The following UGT1A9 variants were observed in gnomAD, a reference collection of about 807,000 sequenced individuals.
UGT1A9 encodes UDP glucuronosyltransferase family 1 member A9, also known as UDP-glucuronosyltransferase 1A9.
Under a neutral mutation model 45.0 loss-of-function variants are expected in UGT1A9, and 35 were observed. That is an observed-to-expected ratio of 0.78 (90% CI 0.59 to 1.03). The LOEUF is 1.03. Among genes scored for constraint, UGT1A9 ranks in the 50% least tolerant of loss-of-function variants. UGT1A9 has a pLI of 0.00. For missense variants in UGT1A9, 687 were observed against 666.6 expected, an observed-to-expected ratio of 1.03 and a Z score of -0.34; for synonymous variants, 278 against 250.6, an observed-to-expected ratio of 1.11 and a Z score of -1.03.
chr2:233,736,493 C>T (rs1043320010), intron 1 of UGT1A9, among the ~76,000 whole-genome samples: 3 of 152,222 alleles, frequency 2.0e-5, no homozygotes, highest in Non-Finnish European at 2.9e-5. Flanking sequence ...TACTACCAAA[C>T]TTCTGAAGCC....
At chr2:233,693,070 C>A (rs1288884840) in intron 1 of UGT1A9, 3 of 1,614,008 alleles carry the variant, frequency 1.9e-6, no homozygotes, top group Non-Finnish European at 2.5e-6. Context: ...CACTTTGGGG[C>A]ATGGTTGTAG....
intron 1 of UGT1A9, among the ~76,000 whole-genome samples, chr2:233,688,811 G>A (rs1196099395): frequency 6.6e-6 from 1 of 152,140 alleles, no homozygotes; most frequent in Non-Finnish European, 1.5e-5. Flanking sequence ...GCTACAAACT[G>A]TGAAACATAC....
chr2:233,764,438 T>C (rs1160972363), intron 1 of UGT1A9, among the ~76,000 whole-genome samples: 2 of 152,224 alleles, frequency 1.3e-5, no homozygotes, highest in Non-Finnish European at 2.9e-5. Context: ...GATGAACTTT[T>C]GTGCCATTTA....
chr2:233,695,287 A>G (rs775200577), intron 1 of UGT1A9, among the ~76,000 whole-genome samples: 12 of 151,764 alleles, frequency 7.9e-5, no homozygotes, highest in Non-Finnish European at 8.8e-5. Flanking sequence ...CACCATTCCC[A>G]GCTAATTTTT....
chr2:233,743,081 G>C, intron 1 of UGT1A9: 1 of 347,046 alleles, frequency 2.9e-6, no homozygotes, highest in Non-Finnish European at 5.6e-6. Context: ...GGCATGAAGT[G>C]TTTATAAATT....
chr2:233,721,794 C>T, intron 1 of UGT1A9: 1 of 512,964 alleles, frequency 1.9e-6, no homozygotes, highest in Non-Finnish European at 3.9e-6. Flanking sequence ...CATTTTAAAG[C>T]ACATGCAGCA....
intron 1 of UGT1A9, among the ~76,000 whole-genome samples, chr2:233,734,449 A>ATTTTGTTGATC (rs2078526533): frequency 6.6e-6 from 1 of 150,978 alleles, no homozygotes; most frequent in Admixed American, 6.6e-5. Context: ...AGGTCTATCA[A>ATTTTGTTGATC]TTTTCAAAAT....
chr2:233,772,622 C>A lies in UGT1A9; in HGVS notation c.*63C>A, dbSNP rs894885863. 5 of 1,567,432 alleles carry A rather than the reference C, an allele frequency of 3.2e-6. No homozygotes were observed. The highest frequency in any genetic ancestry group is 3.5e-6 in the Non-Finnish European group (4 of 1,155,382). ...CCCTAGTCATTTCCAAACTTGAAAA[C>A]AGAATCAGTGTTAAATTCATTTTAT... On this transcript the variant is annotated 3_prime_UTR_variant, in exon 5 of 5. Transcript: ENST00000354728.
chr2:233,749,470 C>T (rs7604115), intron 1 of UGT1A9, among the ~76,000 whole-genome samples: 55,875 of 151,612 alleles, frequency 0.37, 10,826 homozygotes, highest in African/African-American at 0.42. Context: ...GGAACTGTGG[C>T]ACAGATCACT....
intron 1 of UGT1A9, chr2:233,760,742 C>A (rs760143782): frequency 6.2e-7 from 1 of 1,614,166 alleles, no homozygotes; most frequent in Non-Finnish European, 8.5e-7. Flanking sequence ...CTGACGGACC[C>A]TTTCCTTCCT....
chr2:233,741,884 A>C (rs1310090539), intron 1 of UGT1A9: 1 of 151,868 alleles, frequency 6.6e-6, no homozygotes, highest in South Asian at 2.1e-4. Flanking sequence ...AGGTGACCCT[A>C]GAAGAAGGGA....
intron 1 of UGT1A9, chr2:233,719,355 G>GAT (rs1195086069): frequency 6.2e-7 from 1 of 1,613,794 alleles, no homozygotes; most frequent in Non-Finnish European, 8.5e-7. Context: ...CATTCCATGT[G>GAT]ACTTAGACTT....
intron 1 of UGT1A9, chr2:233,743,986 G>A (rs1692630126): frequency 1.6e-6 from 2 of 1,282,376 alleles, no homozygotes; most frequent in South Asian, 2.6e-5. Context: ...CCCAGGCGCA[G>A]GCCCGAGTGC....
At chr2:233,712,932 A>G in intron 1 of UGT1A9, 1 of 1,612,230 alleles carries the variant, frequency 6.2e-7, no homozygotes, top group Non-Finnish European at 8.5e-7. Flanking sequence ...AAGACGAAGG[A>G]AACAATTCTA....
chr2:233,751,085 CAGG>C (rs1331758725), intron 1 of UGT1A9, among the ~76,000 whole-genome samples: 1 of 151,924 alleles, frequency 6.6e-6, no homozygotes, highest in Non-Finnish European at 1.5e-5. Context: ...TGAAGGCAGC[CAGG>C]AGGAGGGCTT....
chr2:233,704,968 T>A (rs2075815720), intron 1 of UGT1A9, among the ~76,000 whole-genome samples: 1 of 152,042 alleles, frequency 6.6e-6, no homozygotes, highest in South Asian at 2.1e-4. Flanking sequence ...AAACCCCATC[T>A]CTACTTAAAA....
At chr2:233,690,331 G>A (rs1198972052) in intron 1 of UGT1A9, among the ~76,000 whole-genome samples, 3 of 152,164 alleles carry the variant, frequency 2.0e-5, no homozygotes, top group Non-Finnish European at 4.4e-5. Context: ...GGTCATACAA[G>A]GGTCTGAAAG....
chr2:233,749,939 T>C (rs1438530093), intron 1 of UGT1A9, among the ~76,000 whole-genome samples: 1 of 151,928 alleles, frequency 6.6e-6, no homozygotes, highest in African/African-American at 2.4e-5. Context: ...CTTTCCTTTA[T>C]GAATTACCGA....
intron 1 of UGT1A9, among the ~76,000 whole-genome samples, chr2:233,683,208 A>G (rs1430316292): frequency 6.6e-6 from 1 of 152,056 alleles, no homozygotes; most frequent in Non-Finnish European, 1.5e-5. Flanking sequence ...TGTCACTTCT[A>G]TTTTATCAAT....
Sources: gnomAD v4.1 joint callset for allele counts (sites outside exome capture counted in the v4.1 genomes callset) on GRCh38, gnomAD v4.1.1 for gene constraint, MANE v1.5 for transcripts, NCBI Gene and HGNC (gene_info 2026-07-23, HGNC 2026-07-21) for gene names.